Variants in UGT1A8 observed in about 807,000 individuals in gnomAD.
The protein encoded by UGT1A8 is UDP glucuronosyltransferase family 1 member A8.
Under a neutral mutation model 45.3 loss-of-function variants are expected in UGT1A8, and 39 were observed. The ratio of observed to expected loss-of-function variants is 0.86; its 90% CI spans 0.67 to 1.12. The LOEUF (loss-of-function observed/expected upper bound fraction) is 1.12. Among genes scored for constraint, UGT1A8 ranks in the 50% most tolerant of loss-of-function variants. UGT1A8 has a pLI of 0.00. For synonymous variants in UGT1A8, 275 were observed against 249.2 expected (o/e 1.10, Z -0.97); for missense variants, 719 against 664.9 (o/e 1.08, Z -0.90).
intron 1 of UGT1A8, among the ~76,000 whole-genome samples, chr2:233,643,716 G>T (rs926333796): frequency 6.6e-6 from 1 of 152,158 alleles, no homozygotes; most frequent in Admixed American, 6.5e-5. Context: ...GTAGTACGAG[G>T]TTTCACTGCT....
intron 1 of UGT1A8, among the ~76,000 whole-genome samples, chr2:233,677,278 A>T (rs2074386326): frequency 6.6e-6 from 1 of 152,068 alleles, no homozygotes; most frequent in South Asian, 2.1e-4. Context: ...CATGTTTTTG[A>T]TGCTATTTAA....
chr2:233,638,289 C>A (rs1015143242), intron 1 of UGT1A8, among the ~76,000 whole-genome samples: 10 of 152,092 alleles, frequency 6.6e-5, no homozygotes, highest in African/African-American at 2.4e-4. Flanking sequence ...ACTTTAGAAA[C>A]TATTTTGTAC....
At chr2:233,711,354 C>G (rs1387342793) in intron 1 of UGT1A8, among the ~76,000 whole-genome samples, 6 of 152,220 alleles carry the variant, frequency 3.9e-5, no homozygotes, top group Non-Finnish European at 7.4e-5. Context: ...AACAGGGGAG[C>G]CCCCTGAATG....
At position 233,618,152 on chromosome 2, in the gene UGT1A8, C is replaced by T. The variant is rs1330355620; in HGVS notation, c.445C>T (p.Pro149Ser). ...ESSFDAVFLD[P>S]FDACGLIVAK... ...TTCTTTTGATGCGGTGTTTCTTGAT[C>T]CTTTTGATGCCTGTGGCTTAATTGT... The change falls in exon 1 of 5, where the codon CCT becomes TCT. Residue 149 changes from proline (P) to serine (S), a missense_variant. Coordinates refer to ENST00000373450, the MANE Select transcript of UGT1A8 (RefSeq NM_019076.5). 1 of 1,613,964 alleles carries T rather than the reference C, an allele frequency of 6.2e-7. No individual in the cohort carries two copies.
chr2:233,672,699 G>A (rs1194232610), intron 1 of UGT1A8: 31 of 1,613,880 alleles, frequency 1.9e-5, no homozygotes, highest in Admixed American at 5.0e-5. Flanking sequence ...TGTTGCGAAC[G>A]GACTTTGTTT....
At chr2:233,698,313 T>C (rs545521054) in intron 1 of UGT1A8, among the ~76,000 whole-genome samples, 1 of 152,354 alleles carries the variant, frequency 6.6e-6, no homozygotes, top group South Asian at 2.1e-4. Context: ...CAGATGGAAA[T>C]GTCTGGAACC....
chr2:233,680,383 C>T (rs1194810874), intron 1 of UGT1A8, among the ~76,000 whole-genome samples: 2 of 152,138 alleles, frequency 1.3e-5, no homozygotes, highest in Non-Finnish European at 2.9e-5. Flanking sequence ...TAGCTCCCTG[C>T]AATAGCAACA....
intron 1 of UGT1A8, chr2:233,719,156 A>C (rs751674220): frequency 1.2e-6 from 2 of 1,614,236 alleles, no homozygotes; most frequent in Non-Finnish European, 1.7e-6. Context: ...GATATTCTAG[A>C]AGTATGGCAA....
At chr2:233,730,094 A>G (rs1211055945) in intron 1 of UGT1A8, 2 of 1,593,062 alleles carry the variant, frequency 1.3e-6, no homozygotes, top group South Asian at 2.3e-5. Context: ...ATCTTTCCAA[A>G]TATTTCATTT....
Position 233,682,591 on chromosome 2 carries a change from A to C in UGT1A8, c.855+64029A>C, listed in dbSNP as rs747574458. ...ACATCATGCACTTGGAGGAACATTT[A>C]TTTTGCCCCTATTTTTTCAAAAATG... On this transcript the variant is annotated intron_variant, in intron 1 of 4. Coordinates refer to ENST00000373450, the MANE Select transcript of UGT1A8 (RefSeq NM_019076.5). 11 of 1,613,826 alleles carry C rather than the reference A, an allele frequency of 6.8e-6. No individual in the cohort carries two copies. The South Asian group carries it at 1.2e-4, about 18-fold the overall frequency.
chr2:233,636,906 T>C (rs778960462), intron 1 of UGT1A8: 1 of 1,614,166 alleles, frequency 6.2e-7, no homozygotes, highest in Non-Finnish European at 8.5e-7. Context: ...GGAGTTTGTT[T>C]AATGACCGAA....
intron 1 of UGT1A8, among the ~76,000 whole-genome samples, chr2:233,731,327 G>A (rs538271655): frequency 1.1e-4 from 17 of 148,560 alleles, no homozygotes; most frequent in African/African-American, 4.0e-4. Context: ...GGGTACATGT[G>A]CACAAATTGC....
intron 1 of UGT1A8, among the ~76,000 whole-genome samples, chr2:233,649,817 TGTTTGGTCTTG>T (rs2073695723): frequency 1.3e-5 from 2 of 152,164 alleles, no homozygotes; most frequent in Non-Finnish European, 2.9e-5. Flanking sequence ...GTTACCATGA[TGTTTGGTCTTG>T]TCCAGTCTGC....
chr2:233,621,865 T>C (rs1169666702), intron 1 of UGT1A8, among the ~76,000 whole-genome samples: 1 of 152,170 alleles, frequency 6.6e-6, no homozygotes, highest in Non-Finnish European at 1.5e-5. Flanking sequence ...TTTCTCCTAA[T>C]GCTATCCCTT....
chr2:233,681,979 GT>G (rs765305021), intron 1 of UGT1A8: 1 of 1,614,162 alleles, frequency 6.2e-7, no homozygotes, highest in Non-Finnish European at 8.5e-7. Context: ...CCCTATATGT[GT>G]GTCTACTGCT....
intron 1 of UGT1A8, among the ~76,000 whole-genome samples, chr2:233,716,864 C>T (rs1229406497): frequency 2.0e-5 from 3 of 152,102 alleles, no homozygotes; most frequent in Non-Finnish European, 2.9e-5. Context: ...GCTGATGGCT[C>T]CAAGTCTATC....
intron 1 of UGT1A8, among the ~76,000 whole-genome samples, chr2:233,644,385 T>A (rs989421883): frequency 1.3e-5 from 2 of 152,050 alleles, no homozygotes; most frequent in Non-Finnish European, 2.9e-5. Flanking sequence ...CTGGCCAACA[T>A]GGCGAAACCC....
At chr2:233,684,518 A>G (rs2125529272) in intron 1 of UGT1A8, among the ~76,000 whole-genome samples, 1 of 152,328 alleles carries the variant, frequency 6.6e-6, no homozygotes, top group Admixed American at 6.5e-5. Flanking sequence ...TGTAGAAATT[A>G]TATATGATTC....
chr2:233,659,959 C>T (rs577042413), intron 1 of UGT1A8, among the ~76,000 whole-genome samples: 1 of 152,276 alleles, frequency 6.6e-6, no homozygotes, highest in South Asian at 2.1e-4. Context: ...TCTGTTAATT[C>T]CTCAGGTGTG....
Sources: gnomAD v4.1 joint callset for allele counts (sites outside exome capture counted in the v4.1 genomes callset) on GRCh38, gnomAD v4.1.1 for gene constraint, MANE v1.5 for transcripts, NCBI Gene and HGNC (gene_info 2026-07-23, HGNC 2026-07-21) for gene names.